ARHGAP32: variants seen among roughly 807,000 people sequenced by gnomAD.
ARHGAP32 encodes rho GTPase-activating protein 32.
Under a neutral mutation model 186.5 loss-of-function variants are expected in ARHGAP32, and 51 were observed. The observed-to-expected ratio is 0.27, with a 90% CI of 0.22 to 0.35. The LOEUF is 0.35. Ranked by LOEUF, ARHGAP32 falls within the 10% of genes least tolerant of loss-of-function variation. The pLI, the probability that ARHGAP32 is intolerant of heterozygous loss-of-function variation, is 1.00. For missense variants in ARHGAP32, 2,186 were observed against 2,623.5 expected (o/e 0.83, Z 3.64); for synonymous variants, 950 against 964.3 (o/e 0.99, Z 0.27).
rs567377906 is a variant in ARHGAP32, at chr11:129,240,094, T to C, written c.-5+39052A>G. ...TCTCACTCTGCTGCCCAGGCTAGAG[T>C]GCAGTGGCGTGATCTCGGCTCACTG... On this transcript the variant is annotated intron_variant, in intron 1 of 6. Transcript: ENST00000525234. Among the ~76,000 whole-genome samples the C allele has an allele frequency of 3.9e-5, 6 of 152,142 alleles. No homozygotes were observed. The South Asian group carries it at 1.0e-3, about 26-fold the overall frequency.
At chr11:129,201,942 C>T (rs1332440497) in intron 1 of ARHGAP32, among the ~76,000 whole-genome samples, 2 of 152,050 alleles carry the variant, frequency 1.3e-5, no homozygotes, top group African/African-American at 4.8e-5. Context: ...ACAATCATGC[C>T]ACTGCACTCC....
At chr11:129,176,722 TG>T (rs1275641990) in intron 1 of ARHGAP32, among the ~76,000 whole-genome samples, 2 of 149,486 alleles carry the variant, frequency 1.3e-5, no homozygotes, top group African/African-American at 4.9e-5. Context: ...GAAATAAAGA[TG>T]TTCTTTGAAA....
chr11:129,135,583 C>T (rs924624923), intron 2 of ARHGAP32, among the ~76,000 whole-genome samples: 17 of 151,978 alleles, frequency 1.1e-4, no homozygotes, highest in African/African-American at 3.9e-4. Context: ...CTGTCTAACA[C>T]AGTGAAACCC....
At chr11:129,000,483 A>T (rs766216214) in intron 11 of ARHGAP32, among the ~76,000 whole-genome samples, 11 of 152,106 alleles carry the variant, frequency 7.2e-5, no homozygotes, top group Non-Finnish European at 1.5e-4. Flanking sequence ...CTATACATTT[A>T]AAAAAATTTT....
intron 2 of ARHGAP32, among the ~76,000 whole-genome samples, chr11:129,150,933 T>TAAAAAAAA (rs1177863265): frequency 7.2e-6 from 1 of 139,316 alleles, no homozygotes. Context: ...CAGAATGAAT[T>TAAAAAAAA]AAAAAAAAAA....
chr11:129,147,394 C>T (rs1943188488), intron 2 of ARHGAP32, among the ~76,000 whole-genome samples: 1 of 151,972 alleles, frequency 6.6e-6, no homozygotes, highest in African/African-American at 2.4e-5. Flanking sequence ...TCAGTAAATT[C>T]AATACAGATT....
At chr11:129,051,953 CAAAAAAAA>C (rs36014500) in intron 10 of ARHGAP32, among the ~76,000 whole-genome samples, 10 of 71,120 alleles carry the variant, frequency 1.4e-4, no homozygotes, top group African/African-American at 5.8e-4. Context: ...GATTCTGTCT[CAAAAAAAA>C]AAAAAAAAAA....
chr11:128,996,881 A>G (rs996174358), intron 12 of ARHGAP32, among the ~76,000 whole-genome samples: 2 of 152,004 alleles, frequency 1.3e-5, no homozygotes, highest in East Asian at 1.9e-4. Flanking sequence ...CCAAGCTCAG[A>G]TGATTCTCCC....
At chr11:129,020,139 T>C (rs1200164096) in intron 11 of ARHGAP32, among the ~76,000 whole-genome samples, 1 of 151,950 alleles carries the variant, frequency 6.6e-6, no homozygotes, top group African/African-American at 2.4e-5. Context: ...TTAGGGAAAT[T>C]TATCAGGAGA....
intron 1 of ARHGAP32, among the ~76,000 whole-genome samples, chr11:129,165,851 A>G (rs190903043): frequency 1.8e-4 from 28 of 152,236 alleles, no homozygotes; most frequent in Non-Finnish European, 3.7e-4. Flanking sequence ...AACACTATGG[A>G]AACACAAGCC....
chr11:129,016,437 GT>G (rs1938341821), intron 11 of ARHGAP32, among the ~76,000 whole-genome samples: 1 of 152,074 alleles, frequency 6.6e-6, no homozygotes, highest in Non-Finnish European at 1.5e-5. Flanking sequence ...GCTTTTTCAT[GT>G]TTTTTAGGGA....
chr11:129,178,888 A>G (rs202083560), intron 1 of ARHGAP32, among the ~76,000 whole-genome samples: 4 of 152,060 alleles, frequency 2.6e-5, no homozygotes, highest in Admixed American at 6.6e-5. Context: ...CATGGGCAAG[A>G]ACTTCATGTC....
At chr11:129,013,931 A>C (rs1165001349) in intron 11 of ARHGAP32, among the ~76,000 whole-genome samples, 1 of 152,182 alleles carries the variant, frequency 6.6e-6, no homozygotes, top group Non-Finnish European at 1.5e-5. Flanking sequence ...TTACAAACCC[A>C]TTTCTACAGA....
At chr11:129,024,250 G>T in intron 11 of ARHGAP32, 1 of 855,902 alleles carries the variant, frequency 1.2e-6, no homozygotes, top group Non-Finnish European at 1.4e-6. Flanking sequence ...GGCTTCACCA[G>T]AAGAGCTCCA....
chr11:129,012,209 C>A (rs970039564), intron 11 of ARHGAP32, among the ~76,000 whole-genome samples: 2 of 152,154 alleles, frequency 1.3e-5, no homozygotes, highest in Non-Finnish European at 2.9e-5. Flanking sequence ...AACTCCTTTA[C>A]TATTGGTAAT....
At position 129,020,972 on chromosome 11, in the gene ARHGAP32, G is replaced by A. The variant is rs937449356; in HGVS notation, c.1045+19956C>T. Among the ~76,000 whole-genome samples, 9 of 152,070 alleles carry A rather than the reference G, an allele frequency of 5.9e-5. No individual in the cohort carries two copies. In the South Asian group the frequency reaches 1.0e-3, roughly 18 times the overall value. ...TGTCTCAGAAAAGCTATCTGGGACCGGATCAGGAATTAAATGAAACAGTTT... is the reference window on the plus strand; with the variant it reads ...TGTCTCAGAAAAGCTATCTGGGACCAGATCAGGAATTAAATGAAACAGTTT... On this transcript the variant is annotated intron_variant, in intron 11 of 22. Coordinates refer to ENST00000682385, the MANE Select transcript of ARHGAP32 (RefSeq NM_001378024.1).
In ARHGAP32 at chr11:128,970,849, T is replaced by A. The variant is rs778192413; in HGVS notation, c.4364A>T (p.His1455Leu). Residue 1455 changes from histidine (H) to leucine (L), a missense_variant, in exon 23 of 23, where the codon CAT becomes CTT. This residue lies in a region of ARHGAP32 where 1,502 missense variants were observed against 1,570.0 expected (regional missense o/e 0.96). Transcript: ENST00000682385. The surrounding 1 kb of genome is among the most constrained non-coding windows in gnomAD (Gnocchi z 5.8). ...SADATSSSNY[H>L]SFVTASSTSV... is the part of the protein sequence containing the mutation. Reference sequence around the variant, plus strand: ...GGTGGATGAAGCAGTGACAAAGGAATGATAATTTGAACTGCTGGTGGCATC... The same window carrying A: ...GGTGGATGAAGCAGTGACAAAGGAAAGATAATTTGAACTGCTGGTGGCATC... The A allele has an allele frequency of 1.2e-6, 2 of 1,614,028 alleles. No homozygotes were observed. Among genetic ancestry groups the A allele is most frequent in the East Asian group, 2.2e-5 (1 of 44,900 alleles).
chr11:129,179,425 C>A (rs891078535), intron 1 of ARHGAP32, among the ~76,000 whole-genome samples: 16 of 152,062 alleles, frequency 1.1e-4, no homozygotes, highest in Non-Finnish European at 4.4e-5. Flanking sequence ...ACCATTTGAC[C>A]CAGCCATCCC....
chr11:129,034,239 A>G (rs554969819), intron 11 of ARHGAP32, among the ~76,000 whole-genome samples: 2 of 152,252 alleles, frequency 1.3e-5, no homozygotes, highest in East Asian at 3.9e-4. Context: ...TAATGTCTCC[A>G]TATGCAGGGG....
Sources: allele counts gnomAD v4.1 joint callset (sites outside exome capture counted in the v4.1 genomes callset), GRCh38; gene constraint gnomAD v4.1.1; regional missense constraint gnomAD v4.1.1; non-coding constraint Gnocchi (gnomAD v3.1); transcripts MANE v1.5; gene names NCBI Gene and HGNC (gene_info 2026-07-23, HGNC 2026-07-21).